TCOF1: variants seen among roughly 807,000 people sequenced by gnomAD.
TCOF1 encodes the protein treacle protein.
TCOF1 carries 33 observed loss-of-function variants against 149.0 expected under a neutral mutation model. That is an observed-to-expected ratio of 0.22 (90% CI 0.17 to 0.30). The LOEUF (loss-of-function observed/expected upper bound fraction) is 0.30. Ranked by LOEUF, TCOF1 falls within the 10% of genes least tolerant of loss-of-function variation. TCOF1 has a pLI of 1.00. For synonymous variants in TCOF1, 789 were observed against 738.8 expected, an observed-to-expected ratio of 1.07 and a Z score of -1.10; for missense variants, 1,728 against 1,840.7, an observed-to-expected ratio of 0.94 and a Z score of 1.12.
In TCOF1 at chr5:150,375,440, G is replaced by A. The variant is rs145539529; in HGVS notation, c.1590G>A (p.Gly530=). 1.1e-3 allele frequency: 1,842 copies of A among 1,613,788 alleles called. 21 individuals carry two copies. In the South Asian group the frequency reaches 0.013, roughly 12 times the overall value. Residue 530 remains glycine (G), a synonymous_variant, in exon 11 of 27, where the codon GGG becomes GGA. Coordinates refer to ENST00000643257, the MANE Select transcript of TCOF1 (RefSeq NM_001371623.1). ...GCCCAGTGCCACCCGGGAAGGTGGG[G>A]CCTGCAACCCCCTCAGCCCAGGTGG... ...GAGPVPPGKV[G]PATPSAQVGK...
intron 24 of TCOF1, 32 bp from the exon 25 acceptor site, chr5:150,398,322 G>C (rs1284161387): frequency 6.2e-7 from 1 of 1,612,422 alleles, no homozygotes; most frequent in Non-Finnish European, 8.5e-7. Context: ...ATTACCATCT[G>C]TTGTTCAGGA....
intron 23 of TCOF1, among the ~76,000 whole-genome samples, chr5:150,395,486 C>G (rs1047821493): frequency 2.0e-5 from 3 of 151,852 alleles, no homozygotes; most frequent in South Asian, 2.1e-4. Context: ...CCCCAACATT[C>G]TCTGTGAGAG....
chr5:150,391,123 C>A, intron 19 of TCOF1, among the ~76,000 whole-genome samples: 1 of 152,100 alleles, frequency 6.6e-6, no homozygotes, highest in East Asian at 1.9e-4. Flanking sequence ...GAGGTGGGGA[C>A]AGCTGGATGA....
intron 17 of TCOF1, chr5:150,385,117 G>T (rs573935663): frequency 1.0e-6 from 1 of 978,304 alleles, no homozygotes; most frequent in African/African-American, 1.7e-5. Flanking sequence ...CAATGTATAT[G>T]TGTATCAAAA....
chr5:150,369,652 TC>T, intron 6 of TCOF1, 50 bp downstream of exon 6: 1 of 1,599,808 alleles, frequency 6.3e-7, no homozygotes, highest in South Asian at 1.1e-5. Context: ...CTCTAACCCT[TC>T]CAGGAACCTG....
chr5:150,389,995 G>T lies in TCOF1; in HGVS notation c.3155G>T (p.Gly1052Val). 1 of 1,612,820 alleles carries T rather than the reference G, an allele frequency of 6.2e-7. No homozygotes were observed. Among genetic ancestry groups the T allele is most frequent in the Non-Finnish European group, 8.5e-7 (1 of 1,179,568 alleles). ...SSKESSRISD[G>V]KKQEGPATQV... ...AAGGAGTCCAGTCGGATATCAGATG[G>T]CAAGAAACAGGAGGGACCAGCCACT... The change falls in exon 19 of 27, where the codon GGC becomes GTC. Residue 1052 changes from glycine to valine, a missense_variant. Transcript: ENST00000643257.
Position 150,374,599 on chromosome 5 carries a change from C to G in TCOF1, c.1084-18C>G, listed in dbSNP as rs753254761. On this transcript the variant is annotated intron_variant, in intron 8 of 26. Coordinates refer to ENST00000643257, the MANE Select transcript of TCOF1 (RefSeq NM_001371623.1). ...ACGTCCATCCTCTGGGCTGTCTCCC[C>G]TTGTCTTGTTTCTCCAGGCGAAGGC... 36 of 1,612,824 alleles carry G rather than the reference C, an allele frequency of 2.2e-5. No homozygotes were observed. In the Middle Eastern group the frequency reaches 1.2e-3, roughly 52 times the overall value.
chr5:150,389,887 G>T lies in TCOF1; in HGVS notation c.3047G>T (p.Gly1016Val). 2 of 1,614,222 alleles carry T rather than the reference G, an allele frequency of 1.2e-6. No individual in the cohort carries two copies. The highest frequency in any genetic ancestry group is 1.7e-6 in the Non-Finnish European group (2 of 1,180,038). Residue 1016 changes from glycine to valine, a missense_variant and splice_region_variant, in exon 19 of 27, where the codon GGC (glycine) becomes GTC (valine). By Grantham distance (109) the Gly-to-Val change is moderately radical. Coordinates refer to ENST00000643257, the MANE Select transcript of TCOF1 (RefSeq NM_001371623.1). Reference sequence around the variant, plus strand: ...GTGCCCCCATCTCGCTCCATTTCAGGCATCAGAACCAATGTGGTGACCATG... The same window carrying T: ...GTGCCCCCATCTCGCTCCATTTCAGTCATCAGAACCAATGTGGTGACCATG... Reference protein sequence around the residue: ...VIPATQCLTPGIRTNVVTMPT... With the variant: ...VIPATQCLTPVIRTNVVTMPT...
chr5:150,383,179 C>T, intron 17 of TCOF1: 1 of 1,533,900 alleles, frequency 6.5e-7, no homozygotes, highest in Non-Finnish European at 8.7e-7. Flanking sequence ...CCAGGTGCGC[C>T]ATGCCTTCTC....
intron 17 of TCOF1, chr5:150,380,089 A>G (rs1282863965): frequency 3.7e-6 from 1 of 267,374 alleles, no homozygotes; most frequent in South Asian, 4.0e-5. Flanking sequence ...AAAAAAAGAA[A>G]AAAAAGAAAA....
In TCOF1 at chr5:150,375,898, A is replaced by C. The variant is rs765205188; in HGVS notation, c.1882A>C (p.Thr628Pro). The C allele has an allele frequency of 2.1e-5, 34 of 1,613,970 alleles. No individual in the cohort carries two copies. Among genetic ancestry groups the C allele is most frequent in the Non-Finnish European group, 1.7e-6 (2 of 1,180,024 alleles). ...CAGTGAGGAGGCACCAGCAGCCATG[A>C]CTGCAGCTCAGGTGAGGCCTGGGGA... ...ADSEEAPAAM[T>P]AAQAKPALKI... is the part of the protein sequence containing the mutation. The change falls in exon 12 of 27, where the codon ACT becomes CCT. Residue 628 changes from threonine (T) to proline (P), a missense_variant. Physicochemically the swap from Thr to Pro is conservative, Grantham distance 38. Around this residue, in one of 2 missense-constraint regions of TCOF1, gnomAD observed 1,696 missense variants for 1,765.4 expected, o/e 0.96. Coordinates refer to ENST00000643257, the MANE Select transcript of TCOF1 (RefSeq NM_001371623.1).
chr5:150,378,015 G>C (rs1031477910), intron 14 of TCOF1, among the ~76,000 whole-genome samples: 6 of 152,140 alleles, frequency 3.9e-5, no homozygotes, highest in African/African-American at 1.4e-4. Flanking sequence ...CTTGTTTCTT[G>C]TGGAAAACAT....
rs182776703 is a variant in TCOF1, at chr5:150,372,193, G to T, written c.827G>T (p.Gly276Val). ...PEEESESSEE[G>V]SESEEEAPAG... is the part of the protein sequence containing the mutation. ...GAGGAGTCAGAGAGTAGTGAGGAGG[G>T]ATCTGAAAGTGAGGAGGAGGCCCCT... Residue 276 changes from glycine to valine, a missense_variant, in exon 7 of 27, where the codon GGA (glycine) becomes GTA (valine). Around this residue, in one of 2 missense-constraint regions of TCOF1, gnomAD observed 1,696 missense variants for 1,765.4 expected, o/e 0.96. Coordinates refer to ENST00000643257, the MANE Select transcript of TCOF1 (RefSeq NM_001371623.1). 4 of 1,602,222 alleles carry T rather than the reference G, an allele frequency of 2.5e-6. No homozygotes were observed. Among genetic ancestry groups the T allele is most frequent in the Non-Finnish European group, 3.4e-6 (4 of 1,169,526 alleles).
chr5:150,377,777 TCTTCC>T (rs1764159634), intron 14 of TCOF1, among the ~76,000 whole-genome samples: 1 of 152,210 alleles, frequency 6.6e-6, no homozygotes, highest in Non-Finnish European at 1.5e-5. Flanking sequence ...TAAATATTTG[TCTTCC>T]CTTCTGAGCC....
At chr5:150,364,307 A>G (rs1760819203) in intron 3 of TCOF1, 55 bp downstream of exon 3, 2 of 1,610,828 alleles carry the variant, frequency 1.2e-6, no homozygotes, top group South Asian at 1.1e-5. Flanking sequence ...GTTCTAGGGT[A>G]GAGTCTACCT....
chr5:150,362,396 G>A (rs1488276648), intron 2 of TCOF1, among the ~76,000 whole-genome samples: 3 of 152,184 alleles, frequency 2.0e-5, no homozygotes, highest in Non-Finnish European at 4.4e-5. Flanking sequence ...AGGAATGGTA[G>A]AGAGTACTGA....
chr5:150,374,102 G>T lies in TCOF1; in HGVS notation c.871-72G>T. The T allele has an allele frequency of 3.3e-6, 5 of 1,521,262 alleles. 1 individual carries two copies. In the South Asian group the frequency reaches 4.8e-5, roughly 14 times the overall value. 94.2% of individuals were successfully genotyped at this position (1,521,262 alleles called of 1,614,324 possible). A position where few individuals can be genotyped will look rare whatever the true frequency, so the allele number is the denominator to read the frequency against. On this transcript the variant is annotated intron_variant, in intron 7 of 26. Transcript: ENST00000643257. ...CTTAGGAGCCTCATTAAGGCCTCTG[G>T]ACTTTATCCTAAAGGCATCACCAGA...
intron 19 of TCOF1, 83 bp downstream of exon 19, chr5:150,390,106 G>C (rs1767103203): frequency 1.9e-6 from 3 of 1,542,696 alleles, no homozygotes; most frequent in African/African-American, 1.4e-5. Flanking sequence ...CTGATGGGAT[G>C]GCCTGCAATT....
At chr5:150,385,121 A>C (rs1472454735) in intron 17 of TCOF1, 1 of 972,466 alleles carries the variant, frequency 1.0e-6, no homozygotes, top group Non-Finnish European at 1.2e-6. Flanking sequence ...GTATATGTGT[A>C]TCAAAACATC....
Sources: gnomAD v4.1 joint callset for allele counts (sites outside exome capture counted in the v4.1 genomes callset) on GRCh38, gnomAD v4.1.1 for gene constraint, gnomAD v4.1.1 regional missense constraint, MANE v1.5 for transcripts, NCBI Gene and HGNC (gene_info 2026-07-23, HGNC 2026-07-21) for gene names.